Variants in SEL1L2 observed in about 807,000 individuals in gnomAD.
SEL1L2 encodes SEL1L2 adaptor subunit of SYVN1 ubiquitin ligase.
Under a neutral mutation model 98.8 loss-of-function variants are expected in SEL1L2, and 89 were observed. The observed-to-expected ratio is 0.90, with a 90% CI of 0.76 to 1.07. SEL1L2 has a LOEUF of 1.07. Ranked by LOEUF, SEL1L2 falls within the 50% of genes least tolerant of loss-of-function variation. The pLI is 0.00. For synonymous variants in SEL1L2, 262 were observed against 278.5 expected, an observed-to-expected ratio of 0.94 and a Z score of 0.59; for missense variants, 788 against 812.0, an observed-to-expected ratio of 0.97 and a Z score of 0.36.
chr20:13,852,455 G>A (rs568946022), intron 18 of SEL1L2, among the ~76,000 whole-genome samples: 1 of 152,036 alleles, frequency 6.6e-6, no homozygotes, highest in African/African-American at 2.4e-5. Flanking sequence ...TACTAGACTA[G>A]AAAAGACTCC....
At chr20:13,935,055 C>G (rs1178186919) in intron 2 of SEL1L2, among the ~76,000 whole-genome samples, 1 of 152,180 alleles carries the variant, frequency 6.6e-6, no homozygotes, top group Admixed American at 6.5e-5. Context: ...GGAGGCAGTA[C>G]AAGTTTGGCA....
At chr20:13,935,079 G>T (rs976948678) in intron 2 of SEL1L2, among the ~76,000 whole-genome samples, 1 of 152,314 alleles carries the variant, frequency 6.6e-6, no homozygotes, top group East Asian at 1.9e-4. Flanking sequence ...GCCTGTGACT[G>T]TCTGATGTTT....
intron 2 of SEL1L2, among the ~76,000 whole-genome samples, chr20:13,949,749 A>G (rs1034974189): frequency 2.6e-5 from 4 of 152,118 alleles, no homozygotes; most frequent in Admixed American, 2.0e-4. Flanking sequence ...CTTGTGGACT[A>G]TTGGTGGGCA....
Position 13,965,520 on chromosome 20 carries a change from G to T in SEL1L2, c.59-9389C>A, listed in dbSNP as rs185943843. On this transcript the variant is annotated intron_variant, in intron 1 of 19. Coordinates refer to ENST00000284951, the MANE Select transcript of SEL1L2 (RefSeq NM_025229.2). ...GAAAGCACAGCGTAAATCAGACCCA[G>T]TCATTTCATGCCTGCATTCATACAA... Among the ~76,000 whole-genome samples, 102 of 152,290 alleles carry T rather than the reference G, an allele frequency of 6.7e-4. 1 individual carries two copies. Among genetic ancestry groups the T allele is most frequent in the African/African-American group, 2.3e-3 (94 of 41,568 alleles).
chr20:13,963,957 T>C (rs1008463679), intron 1 of SEL1L2, among the ~76,000 whole-genome samples: 1 of 151,728 alleles, frequency 6.6e-6, no homozygotes, highest in African/African-American at 2.4e-5. Context: ...CTACAACCTC[T>C]GCCTCCTGGG....
chr20:13,859,903 C>T (rs1989821252), intron 17 of SEL1L2, among the ~76,000 whole-genome samples: 1 of 152,206 alleles, frequency 6.6e-6, no homozygotes, highest in Non-Finnish European at 1.5e-5. Context: ...AGGGTTTCAC[C>T]ATGTTGGCCA....
intron 1 of SEL1L2, among the ~76,000 whole-genome samples, chr20:13,959,941 A>C (rs2050706956): frequency 6.6e-6 from 1 of 152,244 alleles, no homozygotes. Context: ...AATTCATGTT[A>C]CTAGCACTTA....
intron 2 of SEL1L2, among the ~76,000 whole-genome samples, chr20:13,951,107 T>G (rs533364338): frequency 6.7e-6 from 1 of 149,912 alleles, no homozygotes; most frequent in East Asian, 2.0e-4. Context: ...AAACCCCATC[T>G]CTACTAAAAA....
intron 2 of SEL1L2, among the ~76,000 whole-genome samples, chr20:13,954,262 G>C (rs923403252): frequency 8.5e-5 from 13 of 152,198 alleles, no homozygotes; most frequent in Non-Finnish European, 1.5e-4. Flanking sequence ...ATTGGGGGTA[G>C]AGATGGAGAG....
intron 18 of SEL1L2, among the ~76,000 whole-genome samples, chr20:13,853,637 A>T (rs1988671063): frequency 6.6e-6 from 1 of 152,230 alleles, no homozygotes; most frequent in Non-Finnish European, 1.5e-5. Flanking sequence ...AGGACAGGTG[A>T]TACTATTAAC....
chr20:13,970,881 CTATA>C (rs999185375), intron 1 of SEL1L2, among the ~76,000 whole-genome samples: 1 of 148,838 alleles, frequency 6.7e-6, no homozygotes, highest in Non-Finnish European at 1.5e-5. Context: ...ATTAATATTC[CTATA>C]TATATTACTA....
At chr20:13,914,532 T>C (rs945301886) in intron 4 of SEL1L2, among the ~76,000 whole-genome samples, 23 of 152,214 alleles carry the variant, frequency 1.5e-4, no homozygotes, top group Admixed American at 5.9e-4. Context: ...AGAGTCTGAC[T>C]GCCTGGTTCA....
intron 1 of SEL1L2, among the ~76,000 whole-genome samples, chr20:13,971,269 C>A (rs2051271699): frequency 6.6e-6 from 1 of 152,154 alleles, no homozygotes; most frequent in Admixed American, 6.5e-5. Flanking sequence ...GGTCTTAAAT[C>A]CTGAAGCAGT....
At chr20:13,965,142 T>A (rs917345798) in intron 1 of SEL1L2, among the ~76,000 whole-genome samples, 2 of 105,850 alleles carry the variant, frequency 1.9e-5, no homozygotes, top group African/African-American at 3.5e-5. Flanking sequence ...GGATACTGAT[T>A]CCCACATAGG....
intron 4 of SEL1L2, among the ~76,000 whole-genome samples, chr20:13,916,654 A>C (rs1222779080): frequency 1.3e-5 from 2 of 152,124 alleles, no homozygotes; most frequent in African/African-American, 4.8e-5. Context: ...AAAAATACAA[A>C]AATTAGCCGG....
intron 2 of SEL1L2, among the ~76,000 whole-genome samples, chr20:13,952,802 G>A (rs776208050): frequency 5.9e-5 from 9 of 152,134 alleles, no homozygotes; most frequent in Non-Finnish European, 1.0e-4. Context: ...AGGCCAAGGC[G>A]GGCAGATCAC....
rs1477131281 is a variant in SEL1L2, at chr20:13,888,020, A to G, written c.604-19T>C. 2 of 1,607,790 alleles carry G rather than the reference A, an allele frequency of 1.2e-6. No individual in the cohort carries two copies. The highest frequency in any genetic ancestry group is 1.3e-5 in the African/African-American group (1 of 74,760). ...TCAGTGCCTAAAGTAAAAACAAACA[A>G]ACAAAAAACCCCCCAAACCAGGTTG... On this transcript the variant is annotated intron_variant, in intron 6 of 19. Coordinates refer to ENST00000284951, the MANE Select transcript of SEL1L2 (RefSeq NM_025229.2).
At chr20:13,939,683 T>TTTTTTTTA (rs2049655662) in intron 2 of SEL1L2, among the ~76,000 whole-genome samples, 4 of 133,680 alleles carry the variant, frequency 3.0e-5, no homozygotes, top group Non-Finnish European at 4.9e-5. Flanking sequence ...TTTTTTTTTT[T>TTTTTTTTA]GAGACAGAGT....
In SEL1L2 at chr20:13,850,069, A is replaced by G. The variant is rs1319074533; in HGVS notation, c.1947+122T>C. The G allele has an allele frequency of 2.7e-6, 3 of 1,124,496 alleles. No individual in the cohort carries two copies. The East Asian group carries it at 7.5e-5, about 28-fold the overall frequency. The allele number at this position is 1,124,496 out of a possible 1,614,324, so 69.7% of individuals were successfully genotyped here. A position where few individuals can be genotyped will look rare whatever the true frequency, so the allele number is the denominator to read the frequency against. ...CTGCATGGCAAGTGTAAGACTCTGA[A>G]TTTTACTTCTCAAAGGAAAGCCAGT... On this transcript the variant is annotated intron_variant, in intron 19 of 19. Transcript: ENST00000284951.
Sources: allele counts gnomAD v4.1 joint callset (sites outside exome capture counted in the v4.1 genomes callset), GRCh38; gene constraint gnomAD v4.1.1; transcripts MANE v1.5; gene names NCBI Gene and HGNC (gene_info 2026-07-23, HGNC 2026-07-21).